Variants in GRM7 observed in about 807,000 individuals in gnomAD.
GRM7 encodes glutamate metabotropic receptor 7, also known as metabotropic glutamate receptor 7.
Under a neutral mutation model 84.5 loss-of-function variants are expected in GRM7, and 35 were observed. The ratio of observed to expected loss-of-function variants is 0.41; its 90% CI spans 0.32 to 0.55. The LOEUF (loss-of-function observed/expected upper bound fraction) is 0.55, where lower values mean the gene tolerates loss of function less well. Among genes scored for constraint, GRM7 ranks in the 20% least tolerant of loss-of-function variants. GRM7 has a pLI of 0.19. For synonymous variants in GRM7, 487 were observed against 455.1 expected, an observed-to-expected ratio of 1.07 and a Z score of -0.89; for missense variants, 1,003 against 1,194.6, an observed-to-expected ratio of 0.84 and a Z score of 2.36.
chr3:7,464,462 A>G (rs530375236), intron 7 of GRM7, among the ~76,000 whole-genome samples: 1 of 152,282 alleles, frequency 6.6e-6, no homozygotes, highest in South Asian at 2.1e-4. Context: ...CAACCTATAA[A>G]TGGTCTTTAA....
intron 8 of GRM7, among the ~76,000 whole-genome samples, chr3:7,593,294 G>T (rs925611764): frequency 2.0e-4 from 30 of 152,076 alleles, no homozygotes; most frequent in African/African-American, 6.8e-4. Flanking sequence ...AGTTTGCGGG[G>T]TTTTGGCACT....
chr3:7,104,693 T>G (rs1339668201), intron 1 of GRM7, among the ~76,000 whole-genome samples: 3 of 151,774 alleles, frequency 2.0e-5, no homozygotes, highest in African/African-American at 7.2e-5. Flanking sequence ...CATTATCATT[T>G]TTATCAGTCA....
intron 2 of GRM7, among the ~76,000 whole-genome samples, chr3:7,240,625 A>T (rs866273404): frequency 1.3e-5 from 2 of 152,256 alleles, no homozygotes; most frequent in Middle Eastern, 6.8e-3. Context: ...CAGATATAGG[A>T]TTTAAAAGTC....
intron 9 of GRM7, among the ~76,000 whole-genome samples, chr3:7,694,869 A>G (rs566466289): frequency 4.6e-5 from 7 of 152,302 alleles, no homozygotes; most frequent in African/African-American, 1.7e-4. Flanking sequence ...TCTAATTTAA[A>G]TCATTTGTTC....
At chr3:7,542,114 A>G (rs779740) in intron 7 of GRM7, among the ~76,000 whole-genome samples, 75,094 of 152,000 alleles carry the variant, frequency 0.49, 18,687 homozygotes, top group East Asian at 0.59. Context: ...CTAATGAAGT[A>G]TGACCTCATT....
rs1477448391 is a variant in GRM7 at position 7,196,607 on chromosome 3, G to T, written c.736+49939G>T. ...TGGCCTTTCACCTACTGCTGGCCTG[G>T]AAAGTTTCTTCTCATCCTTCAATCT... On this transcript the variant is annotated intron_variant, in intron 2 of 9. Coordinates refer to ENST00000357716, the MANE Select transcript of GRM7 (RefSeq NM_000844.4). Among the ~76,000 whole-genome samples the T allele has an allele frequency of 2.6e-5, 4 of 152,200 alleles. No individual in the cohort carries two copies. The East Asian group carries it at 7.7e-4, about 29-fold the overall frequency.
intron 1 of GRM7, among the ~76,000 whole-genome samples, chr3:6,981,227 A>G (rs1426374447): frequency 6.6e-6 from 1 of 152,246 alleles, no homozygotes; most frequent in African/African-American, 2.4e-5. Context: ...TAATTTAGAT[A>G]TGCTCTTATA....
At chr3:7,088,102 T>G (rs950997426) in intron 1 of GRM7, among the ~76,000 whole-genome samples, 1 of 152,128 alleles carries the variant, frequency 6.6e-6, no homozygotes, top group Non-Finnish European at 1.5e-5. Flanking sequence ...AAAATTACTG[T>G]GAAGTATTTA....
chr3:6,864,116 G>C (rs1694860399), intron 1 of GRM7, among the ~76,000 whole-genome samples: 1 of 152,262 alleles, frequency 6.6e-6, no homozygotes, highest in South Asian at 2.1e-4. Context: ...AAACCATTCA[G>C]AGAAAACACT....
chr3:7,130,957 A>G (rs1421875844), intron 1 of GRM7, among the ~76,000 whole-genome samples: 1 of 152,166 alleles, frequency 6.6e-6, no homozygotes, highest in East Asian at 1.9e-4. Flanking sequence ...ACACACACAC[A>G]CACGCACACA....
chr3:7,648,368 C>A (rs545478279), intron 8 of GRM7, among the ~76,000 whole-genome samples: 2 of 151,722 alleles, frequency 1.3e-5, no homozygotes, highest in Admixed American at 6.6e-5. Flanking sequence ...GGATCAAGGC[C>A]GGGTGCAGTG....
intron 1 of GRM7, among the ~76,000 whole-genome samples, chr3:7,130,367 C>T (rs968530595): frequency 6.6e-6 from 1 of 152,016 alleles, no homozygotes; most frequent in Admixed American, 6.6e-5. Context: ...CATAGTGAAA[C>T]CCTGTCTCTA....
At chr3:6,995,109 T>C (rs576700252) in intron 1 of GRM7, among the ~76,000 whole-genome samples, 12 of 152,340 alleles carry the variant, frequency 7.9e-5, no homozygotes, top group African/African-American at 2.9e-4. Flanking sequence ...GGATGGTGAC[T>C]TATTCATCCC....
chr3:7,595,443 T>C (rs1217699428), intron 8 of GRM7, among the ~76,000 whole-genome samples: 1 of 152,220 alleles, frequency 6.6e-6, no homozygotes, highest in Non-Finnish European at 1.5e-5. Context: ...TTGTTGAACA[T>C]GTACATTATG....
At chr3:7,001,458 G>C (rs1695012527) in intron 1 of GRM7, among the ~76,000 whole-genome samples, 1 of 152,210 alleles carries the variant, frequency 6.6e-6, no homozygotes, top group African/African-American at 2.4e-5. Context: ...ATGTATAGAT[G>C]AGCTACTTAA....
intron 1 of GRM7, among the ~76,000 whole-genome samples, chr3:6,961,596 CCTAT>C (rs918325014): frequency 2.0e-5 from 3 of 152,168 alleles, no homozygotes; most frequent in Non-Finnish European, 1.5e-5. Context: ...AACCATTCAT[CCTAT>C]CTGTCTTCTT....
Position 7,527,499 on chromosome 3 carries a change from T to A in GRM7, c.1516-50923T>A, listed in dbSNP as rs142946093. 4.5e-3 allele frequency among the ~76,000 whole-genome samples: 686 copies of A among 152,174 alleles called. 6 individuals are homozygous for A. The highest frequency in any genetic ancestry group is 5.5e-3 in the Non-Finnish European group (374 of 67,942). Reference sequence around the variant, plus strand: ...GAAATGATTTGCTTTCCTCTTTTCCTGTTTGGATGCCTTTTATTTCTTTGT... The same window carrying A: ...GAAATGATTTGCTTTCCTCTTTTCCAGTTTGGATGCCTTTTATTTCTTTGT... On this transcript the variant is annotated intron_variant, in intron 7 of 9. Coordinates refer to ENST00000357716, the MANE Select transcript of GRM7 (RefSeq NM_000844.4).
intron 1 of GRM7, among the ~76,000 whole-genome samples, chr3:6,964,839 C>A (rs996780540): frequency 3.3e-5 from 5 of 152,214 alleles, no homozygotes; most frequent in Non-Finnish European, 7.3e-5. Flanking sequence ...GACAGCAATG[C>A]CGTTAGCGTT....
intron 1 of GRM7, among the ~76,000 whole-genome samples, chr3:7,132,641 T>C (rs972570966): frequency 5.3e-5 from 8 of 152,174 alleles, no homozygotes; most frequent in Non-Finnish European, 1.0e-4. Flanking sequence ...ATAAAAGAAC[T>C]AAATAAAAAT....
Sources: allele counts gnomAD v4.1 joint callset (sites outside exome capture counted in the v4.1 genomes callset), GRCh38; gene constraint gnomAD v4.1.1; transcripts MANE v1.5; gene names NCBI Gene and HGNC (gene_info 2026-07-23, HGNC 2026-07-21).